Variants in MAGI2 observed in about 807,000 individuals in gnomAD.
MAGI2 encodes the protein membrane-associated guanylate kinase, WW and PDZ domain-containing protein 2.
A neutral mutation model predicts 133.3 loss-of-function variants in MAGI2; 35 were observed. The ratio of observed to expected loss-of-function variants is 0.26; its 90% confidence interval spans 0.20 to 0.35. The LOEUF (loss-of-function observed/expected upper bound fraction) is 0.35. Among genes scored for constraint, MAGI2 ranks in the 10% least tolerant of loss-of-function variants. The pLI is 1.00. For synonymous variants in MAGI2, 729 were observed against 710.6 expected (o/e 1.03, Z -0.41); for missense variants, 1,636 against 1,863.4 (o/e 0.88, Z 2.25).
At chr7:78,849,884 A>G (rs1466926356) in intron 2 of MAGI2, among the ~76,000 whole-genome samples, 2 of 152,020 alleles carry the variant, frequency 1.3e-5, no homozygotes, top group East Asian at 3.9e-4. Flanking sequence ...TTCTCATGGA[A>G]ATACAATAAT....
intron 6 of MAGI2, among the ~76,000 whole-genome samples, chr7:78,479,320 A>G (rs1247592977): frequency 3.9e-5 from 6 of 152,038 alleles, no homozygotes; most frequent in East Asian, 1.9e-4. Flanking sequence ...TTTATTATCA[A>G]TTGGTACCAA....
chr7:79,430,154 A>G (rs1847677941), intron 1 of MAGI2, among the ~76,000 whole-genome samples: 1 of 152,072 alleles, frequency 6.6e-6, no homozygotes, highest in Non-Finnish European at 1.5e-5. Context: ...AAATATCCAG[A>G]TTTTATTTTT....
chr7:79,291,980 G>C (rs1445065108), intron 1 of MAGI2, among the ~76,000 whole-genome samples: 1 of 151,372 alleles, frequency 6.6e-6, no homozygotes. Context: ...GAAATTTTTT[G>C]TTTGCCTAAT....
chr7:79,030,105 A>T (rs1263688380), intron 1 of MAGI2: 1 of 152,198 alleles, frequency 6.6e-6, no homozygotes, highest in Non-Finnish European at 1.5e-5. Context: ...CTCCTATTTC[A>T]AGTGTAGGTT....
chr7:79,090,588 C>T (rs1212725885), intron 1 of MAGI2, among the ~76,000 whole-genome samples: 1 of 152,000 alleles, frequency 6.6e-6, no homozygotes, highest in Admixed American at 6.6e-5. Context: ...GACATGTATA[C>T]ACAAAGGAAT....
chr7:79,280,952 AAAAAAAAAAAAAAG>A, intron 1 of MAGI2, among the ~76,000 whole-genome samples: 1 of 148,892 alleles, frequency 6.7e-6, no homozygotes, highest in African/African-American at 2.5e-5. Context: ...AAAAAAAAAA[AAAAAAAAAAAAAAG>A]AATGATATAA....
intron 1 of MAGI2, among the ~76,000 whole-genome samples, chr7:79,404,036 G>A (rs1318708040): frequency 6.6e-6 from 1 of 152,108 alleles, no homozygotes; most frequent in Non-Finnish European, 1.5e-5. Flanking sequence ...CTATAGGGAT[G>A]ACAATGTTAA....
intron 2 of MAGI2, among the ~76,000 whole-genome samples, chr7:78,674,925 TAAG>T (rs757902620): frequency 4.6e-5 from 7 of 152,240 alleles, no homozygotes; most frequent in South Asian, 2.1e-4. Flanking sequence ...AAAAAGCTCT[TAAG>T]AAGAGAAAGT....
intron 3 of MAGI2, among the ~76,000 whole-genome samples, chr7:78,623,321 ATACAT>A (rs1807949602): frequency 1.1e-5 from 1 of 95,014 alleles, no homozygotes. Context: ...GTAAAGCATA[ATACAT>A]TATATTAAAA....
chr7:79,374,596 T>C (rs1426903384), intron 1 of MAGI2, among the ~76,000 whole-genome samples: 1 of 151,934 alleles, frequency 6.6e-6, no homozygotes, highest in African/African-American at 2.4e-5. Flanking sequence ...CAGCAAGTCA[T>C]AGAAAATAAT....
intron 2 of MAGI2, among the ~76,000 whole-genome samples, chr7:78,705,923 C>A (rs1035472363): frequency 6.6e-6 from 1 of 152,020 alleles, no homozygotes; most frequent in Non-Finnish European, 1.5e-5. Context: ...AAATACACTG[C>A]CAATCACAGC....
At chr7:78,852,466 C>T (rs516085) in intron 2 of MAGI2, among the ~76,000 whole-genome samples, 109,542 of 151,894 alleles carry the variant, frequency 0.72, 39,811 homozygotes, top group Middle Eastern at 0.8. Flanking sequence ...CAAGAGGTCA[C>T]AAAGATAACC....
Position 79,126,586 on chromosome 7 carries a change from G to T in MAGI2, c.302-119380C>A, listed in dbSNP as rs186086223. On this transcript the variant is annotated intron_variant, in intron 1 of 21. Coordinates refer to ENST00000354212, the MANE Select transcript of MAGI2 (RefSeq NM_012301.4). ...AGTCCTGGATCTAGATATGCCTGAA[G>T]CCAGAGACTTACAAATTCCTTTTTA... is the stretch of plus-strand genomic sequence containing the variant. Among the ~76,000 whole-genome samples the T allele has an allele frequency of 8.8e-4, 134 of 152,140 alleles. 2 individuals are homozygous for T. Among genetic ancestry groups the T allele is most frequent in the African/African-American group, 2.9e-3 (122 of 41,520 alleles).
intron 1 of MAGI2, chr7:79,411,575 C>G (rs990563855): frequency 6.6e-6 from 1 of 152,130 alleles, no homozygotes; most frequent in Admixed American, 6.6e-5. Context: ...CTGTCAACAC[C>G]TTGATTTTAG....
Position 78,735,425 on chromosome 7 carries a change from TAA to T in MAGI2, c.419-108188_419-108187del, listed in dbSNP as rs369797838. ...ATGAGATAGGAAAAAATAAATTTAC[TAA>T]GTTGTCCTTTTCAAATATTTCATGC... On this transcript the variant is annotated intron_variant, in intron 2 of 21. Transcript: ENST00000354212. Among the ~76,000 whole-genome samples the T allele has an allele frequency of 1.4e-3, 219 of 152,336 alleles. 1 individual carries two copies. The highest frequency in any genetic ancestry group is 4.8e-3 in the African/African-American group (200 of 41,580).
chr7:78,792,218 T>C (rs1219018813), intron 2 of MAGI2, among the ~76,000 whole-genome samples: 1 of 152,212 alleles, frequency 6.6e-6, no homozygotes, highest in East Asian at 1.9e-4. Flanking sequence ...TTTATAAAAC[T>C]GTCATAGTGT....
intron 2 of MAGI2, among the ~76,000 whole-genome samples, chr7:78,845,418 C>G (rs1792506546): frequency 6.6e-6 from 1 of 151,844 alleles, no homozygotes; most frequent in Admixed American, 6.6e-5. Context: ...AGAAGGTCAG[C>G]TCTAAACACA....
At chr7:78,383,947 G>A (rs1795150817) in intron 6 of MAGI2, among the ~76,000 whole-genome samples, 1 of 151,982 alleles carries the variant, frequency 6.6e-6, no homozygotes, top group Non-Finnish European at 1.5e-5. Flanking sequence ...TGTTATATTG[G>A]TCTATGTATC....
chr7:78,377,625 C>T (rs973105671), intron 6 of MAGI2, among the ~76,000 whole-genome samples: 1 of 103,696 alleles, frequency 9.6e-6, no homozygotes, highest in Non-Finnish European at 1.9e-5. Flanking sequence ...ATAAGACACA[C>T]CAACTACTCT....
Sources: allele counts gnomAD v4.1 joint callset (sites outside exome capture counted in the v4.1 genomes callset), GRCh38; gene constraint gnomAD v4.1.1; transcripts MANE v1.5; gene names NCBI Gene and HGNC (gene_info 2026-07-23, HGNC 2026-07-21).